The following ZNF438 variants were observed in gnomAD, a reference collection of about 807,000 sequenced individuals.
ZNF438 encodes the protein zinc finger protein 438.
ZNF438 carries 25 observed loss-of-function variants against 38.0 expected under a neutral mutation model. The ratio of observed to expected loss-of-function variants is 0.66; its 90% CI spans 0.48 to 0.92. ZNF438 has a LOEUF of 0.92. Ranked by LOEUF, ZNF438 falls within the 40% of genes least tolerant of loss-of-function variation. The pLI is 0.00. For missense variants in ZNF438, 1,007 were observed against 999.6 expected (o/e 1.01, Z -0.10); for synonymous variants, 372 against 364.1 (o/e 1.02, Z -0.25).
intron 2 of ZNF438, among the ~76,000 whole-genome samples, chr10:30,911,668 G>A (rs967611151): frequency 1.3e-5 from 2 of 152,026 alleles, no homozygotes; most frequent in Admixed American, 1.3e-4. Context: ...GATTATTTTT[G>A]GAAACACAAG....
intron 2 of ZNF438, among the ~76,000 whole-genome samples, chr10:30,935,444 G>C (rs1430592803): frequency 6.6e-6 from 1 of 152,134 alleles, no homozygotes; most frequent in Non-Finnish European, 1.5e-5. Flanking sequence ...AGCAAGAGAG[G>C]AAGCAAGAGG....
chr10:30,900,965 G>A (rs2041904476), intron 3 of ZNF438, among the ~76,000 whole-genome samples: 2 of 152,140 alleles, frequency 1.3e-5, no homozygotes, highest in African/African-American at 2.4e-5. Context: ...AATACCCCAG[G>A]AGAAAAATGC....
intron 1 of ZNF438, among the ~76,000 whole-genome samples, chr10:30,976,061 A>G (rs1380731044): frequency 6.6e-6 from 1 of 152,090 alleles, no homozygotes; most frequent in Non-Finnish European, 1.5e-5. Context: ...AAGTTAAAAA[A>G]ATATTTAAAA....
rs529430813 is a variant in ZNF438, at chr10:30,854,599, CAG to C, written c.38-4234_38-4233del. Among the ~76,000 whole-genome samples, 72 of 152,090 alleles carry C rather than the reference CAG, an allele frequency of 4.7e-4. No homozygotes were observed. In the East Asian group the frequency reaches 0.014, roughly 29 times the overall value. On this transcript the variant is annotated intron_variant, in intron 4 of 5. Coordinates refer to ENST00000413025, the Ensembl canonical transcript of ZNF438. ...CATATTTTGAAAATTAAAAAAGAAA[CAG>C]AGGATATTTCTCTGAGACATCTTAA...
At chr10:31,014,159 T>C (rs2055980113) in intron 1 of ZNF438, among the ~76,000 whole-genome samples, 1 of 152,192 alleles carries the variant, frequency 6.6e-6, no homozygotes, top group African/African-American at 2.4e-5. Context: ...CTATACTGAC[T>C]GTGTGATCTG....
intron 1 of ZNF438, among the ~76,000 whole-genome samples, chr10:30,987,355 G>C (rs2052945669): frequency 6.7e-6 from 1 of 148,176 alleles, no homozygotes; most frequent in Non-Finnish European, 1.5e-5. Context: ...TTGTGACAAA[G>C]CTGATGCTGA....
In ZNF438 at chr10:30,861,947, G is replaced by A. The variant is rs116593937; in HGVS notation, c.38-11580C>T. On this transcript the variant is annotated intron_variant, in intron 4 of 5. Transcript: ENST00000413025. ...ATGACCTTCCAAGGACACTAAGCCA[G>A]GCAAATGGAAACTTCTGAAATGCTT... Among the ~76,000 whole-genome samples the A allele has an allele frequency of 3.9e-3, 589 of 152,274 alleles. 7 individuals carry two copies. The highest frequency in any genetic ancestry group is 0.013 in the African/African-American group (552 of 41,538).
chr10:30,851,257 T>C (rs1395064070), intron 4 of ZNF438, among the ~76,000 whole-genome samples: 3 of 152,256 alleles, frequency 2.0e-5, no homozygotes, highest in African/African-American at 7.2e-5. Flanking sequence ...CTGGATTTAT[T>C]AGCCTGACCT....
chr10:30,936,121 A>G (rs1427984212), intron 2 of ZNF438, among the ~76,000 whole-genome samples: 1 of 152,204 alleles, frequency 6.6e-6, no homozygotes, highest in Admixed American at 6.5e-5. Context: ...AGACAGCCAG[A>G]CCTGTAATCA....
At chr10:30,845,691 C>G in intron 5 of ZNF438, 118 bp from the exon 7 acceptor site, 6 of 1,262,144 alleles carry the variant, frequency 4.8e-6, no homozygotes, top group Non-Finnish European at 5.4e-6. Flanking sequence ...AAGACAAGGG[C>G]TGGGGTAAAC....
At chr10:30,966,140 T>A (rs950839822) in intron 1 of ZNF438, among the ~76,000 whole-genome samples, 1 of 152,018 alleles carries the variant, frequency 6.6e-6, no homozygotes, top group African/African-American at 2.4e-5. Flanking sequence ...TAGACAAGCC[T>A]GAGCAATATA....
At chr10:30,852,111 C>A (rs4749623) in intron 4 of ZNF438, among the ~76,000 whole-genome samples, 1 of 151,056 alleles carries the variant, frequency 6.6e-6, no homozygotes, top group South Asian at 2.1e-4. Context: ...TGTAGTGAGC[C>A]GAGATCGCAC....
intron 5 of ZNF438, among the ~76,000 whole-genome samples, chr10:30,847,517 G>A (rs1010887590): frequency 6.6e-6 from 1 of 152,136 alleles, no homozygotes. Context: ...CTTCCTGAAC[G>A]CAGGACAAGA....
chr10:30,993,289 T>C (rs1035346271), intron 1 of ZNF438, among the ~76,000 whole-genome samples: 7 of 152,114 alleles, frequency 4.6e-5, no homozygotes, highest in Non-Finnish European at 1.0e-4. Context: ...GGCCTAGGAG[T>C]GCAGAATGGT....
chr10:30,948,122 C>A (rs527554395), intron 1 of ZNF438, among the ~76,000 whole-genome samples: 29 of 151,822 alleles, frequency 1.9e-4, no homozygotes, highest in Non-Finnish European at 1.9e-4. Context: ...CTGGGAGGCA[C>A]CCCCCAGCAG....
At chr10:31,020,545 T>C (rs1009839409) in intron 1 of ZNF438, among the ~76,000 whole-genome samples, 31 of 152,170 alleles carry the variant, frequency 2.0e-4, no homozygotes, top group African/African-American at 7.2e-4. Context: ...AAGAGGTCAT[T>C]ATTTAGCTCT....
chr10:30,906,465 AT>A (rs924199220), intron 3 of ZNF438, among the ~76,000 whole-genome samples: 2 of 152,096 alleles, frequency 1.3e-5, no homozygotes, highest in South Asian at 2.1e-4. Flanking sequence ...AGTTCTAAGA[AT>A]TTTTTAGTGG....
In ZNF438 at chr10:31,017,946, T is replaced by C. The variant is rs75640708; in HGVS notation, c.-192+13887A>G. ...GCTTAAATAATGAAGTGACAAAGTA[T>C]GTGGAACACAGCCACAGCTAACATG... On this transcript the variant is annotated intron_variant, in intron 1 of 5. Transcript: ENST00000413025. Among the ~76,000 whole-genome samples, 553 of 152,354 alleles carry C rather than the reference T, an allele frequency of 3.6e-3. 7 individuals are homozygous for C. Among genetic ancestry groups the C allele is most frequent in the African/African-American group, 0.012 (512 of 41,592 alleles).
At chr10:30,982,563 A>G (rs772775093) in intron 1 of ZNF438, among the ~76,000 whole-genome samples, 14 of 152,166 alleles carry the variant, frequency 9.2e-5, no homozygotes, top group Non-Finnish European at 1.0e-4. Context: ...AAGCCGGACA[A>G]TTATTCTGCA....
Sources: gnomAD v4.1 joint callset for allele counts (sites outside exome capture counted in the v4.1 genomes callset) on GRCh38, gnomAD v4.1.1 for gene constraint, MANE v1.5 for transcripts, NCBI Gene and HGNC (gene_info 2026-07-23, HGNC 2026-07-21) for gene names.